EPS15: variants seen among roughly 807,000 people sequenced by gnomAD.
EPS15 encodes the protein epidermal growth factor receptor pathway substrate 15.
In EPS15, 72 loss-of-function variants were observed where a neutral mutation model predicts 113.8. The ratio of observed to expected loss-of-function variants is 0.63; its 90% CI spans 0.52 to 0.77. The LOEUF (loss-of-function observed/expected upper bound fraction) is 0.77. Among genes scored for constraint, EPS15 ranks in the 30% least tolerant of loss-of-function variants. The pLI is 0.00. For missense variants in EPS15, 1,048 were observed against 1,045.8 expected (o/e 1.00, Z -0.03); for synonymous variants, 344 against 363.4 (o/e 0.95, Z 0.61).
In EPS15 at chr1:51,380,953, T is replaced by C. The variant is rs115026125; in HGVS notation, c.2119+13428A>G. On this transcript the variant is annotated intron_variant, in intron 21 of 24. Transcript: ENST00000371733. ...TTACAAGAGACAAAGATGGACATTA[T>C]ACAATAAATAAAGGGTCAATTTACC... is the stretch of plus-strand genomic sequence containing the variant. Among the ~76,000 whole-genome samples the C allele has an allele frequency of 2.1e-3, 319 of 152,302 alleles. 3 individuals are homozygous for C. Among genetic ancestry groups the C allele is most frequent in the African/African-American group, 7.4e-3 (308 of 41,562 alleles).
intron 1 of EPS15, among the ~76,000 whole-genome samples, chr1:51,499,262 T>C (rs1644374819): frequency 6.6e-6 from 1 of 152,246 alleles, no homozygotes; most frequent in Non-Finnish European, 1.5e-5. Flanking sequence ...CCCTTTGTGT[T>C]TGGCTTATTT....
chr1:51,465,644 C>T (rs1207952437), intron 5 of EPS15, among the ~76,000 whole-genome samples: 1 of 152,086 alleles, frequency 6.6e-6, no homozygotes, highest in Admixed American at 6.6e-5. Flanking sequence ...AGCGATTCTC[C>T]TGCCTCAGCC....
Position 51,409,522 on chromosome 1 carries a change from A to G in EPS15, c.1275+13T>C, listed in dbSNP as rs1221184750. 2 of 1,602,250 alleles carry G rather than the reference A, an allele frequency of 1.2e-6. No individual in the cohort carries two copies. The highest frequency in any genetic ancestry group is 2.7e-5 in the African/African-American group (2 of 73,806). On this transcript the variant is annotated intron_variant, in intron 14 of 24. Transcript: ENST00000371733. The stretch of plus-strand genomic sequence containing the variant: ...TGTATAGGTGCAGGCAGCAGGAAAC[A>G]GCCAGACATTACCAGTTGGGCCTCC...
intron 20 of EPS15, 94 bp downstream of exon 20, chr1:51,398,938 A>G (rs1648234655): frequency 2.2e-5 from 24 of 1,113,666 alleles, no homozygotes; most frequent in Non-Finnish European, 2.9e-5. Context: ...GAAGTAATCT[A>G]AATGAGGGTT....
intron 1 of EPS15, among the ~76,000 whole-genome samples, chr1:51,503,316 G>T (rs766283862): frequency 2.6e-5 from 4 of 152,092 alleles, no homozygotes; most frequent in Admixed American, 6.5e-5. Flanking sequence ...AAGGAATCCG[G>T]AATAGCCGAA....
chr1:51,363,979 T>G lies in EPS15; in HGVS notation c.2246A>C (p.Asn749Thr). ...AAATACATTTTTTGTAATCACTACG[T>G]TGCTGACAGAGCTCGATGTGGCTGA... ...FRSATSSSVSNVVITKNVFEE... is the reference protein window; with the variant it reads ...FRSATSSSVSTVVITKNVFEE... Residue 749 changes from asparagine (N) to threonine (T), a missense_variant, in exon 23 of 25, where the codon AAC (asparagine) becomes ACC (threonine). By Grantham distance (65) the Asn-to-Thr change is moderately conservative (BLOSUM62 0). Transcript: ENST00000371733. 1 of 1,613,916 alleles carries G rather than the reference T, an allele frequency of 6.2e-7. No homozygotes were observed. Among genetic ancestry groups the G allele is most frequent in the Non-Finnish European group, 8.5e-7 (1 of 1,179,886 alleles).
intron 20 of EPS15, 32 bp downstream of exon 20, chr1:51,399,000 T>A: frequency 6.3e-7 from 1 of 1,594,446 alleles, no homozygotes; most frequent in Non-Finnish European, 8.6e-7. Flanking sequence ...TATTATCCAT[T>A]TAACTTAACA....
chr1:51,500,674 C>T (rs910103685), intron 1 of EPS15, among the ~76,000 whole-genome samples: 2 of 152,094 alleles, frequency 1.3e-5, no homozygotes, highest in African/African-American at 4.8e-5. Flanking sequence ...CACCATCACA[C>T]CCAGCTAATT....
intron 13 of EPS15, among the ~76,000 whole-genome samples, chr1:51,416,284 A>G (rs1650216881): frequency 6.6e-6 from 1 of 152,144 alleles, no homozygotes; most frequent in Admixed American, 6.5e-5. Flanking sequence ...GACAGAAGAC[A>G]TTTGCAGATG....
intron 13 of EPS15, among the ~76,000 whole-genome samples, chr1:51,410,899 A>G (rs1200128916): frequency 6.6e-6 from 1 of 152,188 alleles, no homozygotes; most frequent in Non-Finnish European, 1.5e-5. Flanking sequence ...TAAATATACT[A>G]ACTTATTTAT....
At chr1:51,501,375 G>T (rs1471501439) in intron 1 of EPS15, among the ~76,000 whole-genome samples, 1 of 152,076 alleles carries the variant, frequency 6.6e-6, no homozygotes, top group African/African-American at 2.4e-5. Flanking sequence ...ACCATTGTCA[G>T]CCTGGGTAAC....
chr1:51,363,311 A>G (rs1646432306), intron 23 of EPS15, among the ~76,000 whole-genome samples: 1 of 151,964 alleles, frequency 6.6e-6, no homozygotes, highest in South Asian at 2.1e-4. Flanking sequence ...AAAAAAAAAA[A>G]AAAAGAGGAA....
chr1:51,453,887 T>C (rs1366613012), intron 8 of EPS15, among the ~76,000 whole-genome samples: 1 of 151,832 alleles, frequency 6.6e-6, no homozygotes, highest in East Asian at 1.9e-4. Flanking sequence ...CTGTCTCTAC[T>C]AAAAATACAA....
chr1:51,383,586 G>C (rs1291726639), intron 21 of EPS15, among the ~76,000 whole-genome samples: 1 of 152,174 alleles, frequency 6.6e-6, no homozygotes, highest in Non-Finnish European at 1.5e-5. Context: ...TGCTGCTGCT[G>C]ATCTGACAGG....
intron 1 of EPS15, among the ~76,000 whole-genome samples, chr1:51,487,204 T>C (rs1040937607): frequency 7.9e-5 from 12 of 152,214 alleles, no homozygotes; most frequent in African/African-American, 2.9e-4. Flanking sequence ...TGGAAAATCA[T>C]ATTCAGAAAA....
chr1:51,408,590 C>T (rs901176699), intron 14 of EPS15, among the ~76,000 whole-genome samples: 7 of 151,802 alleles, frequency 4.6e-5, no homozygotes, highest in Non-Finnish European at 7.4e-5. Flanking sequence ...ATACCTAGCC[C>T]TATTATGGAG....
chr1:51,414,245 C>G (rs1185996868), intron 13 of EPS15, among the ~76,000 whole-genome samples: 2 of 151,902 alleles, frequency 1.3e-5, no homozygotes, highest in African/African-American at 4.8e-5. Context: ...AACCCCATCT[C>G]TATTAAAAAT....
intron 21 of EPS15, among the ~76,000 whole-genome samples, chr1:51,367,652 C>G (rs1045637594): frequency 6.6e-6 from 1 of 152,170 alleles, no homozygotes; most frequent in Non-Finnish European, 1.5e-5. Flanking sequence ...ACATTTTCAG[C>G]TGGAATGAAT....
intron 11 of EPS15, among the ~76,000 whole-genome samples, chr1:51,442,483 G>T (rs950540767): frequency 6.6e-6 from 1 of 152,098 alleles, no homozygotes; most frequent in African/African-American, 2.4e-5. Flanking sequence ...GTTAGAAAGT[G>T]ACACCCCAGA....
Sources: allele counts gnomAD v4.1 joint callset (sites outside exome capture counted in the v4.1 genomes callset), GRCh38; gene constraint gnomAD v4.1.1; transcripts MANE v1.5; gene names NCBI Gene and HGNC (gene_info 2026-07-23, HGNC 2026-07-21).